The following ATXN7L1 variants were observed in gnomAD, a reference collection of about 807,000 sequenced individuals.
The protein encoded by ATXN7L1 is ataxin-7-like protein 1.
ATXN7L1 carries 15 observed loss-of-function variants against 70.8 expected under a neutral mutation model. That is an observed-to-expected ratio of 0.21 (90% CI 0.14 to 0.33). The LOEUF (loss-of-function observed/expected upper bound fraction) is 0.33, where lower values mean the gene tolerates loss of function less well. Among genes scored for constraint, ATXN7L1 ranks in the 10% least tolerant of loss-of-function variants. ATXN7L1 has a pLI of 1.00. For missense variants in ATXN7L1, 975 were observed against 1,097.1 expected, an observed-to-expected ratio of 0.89 and a Z score of 1.57; for synonymous variants, 440 against 445.1, an observed-to-expected ratio of 0.99 and a Z score of 0.14.
chr7:105,789,283 T>A (rs1056174642), intron 2 of ATXN7L1, among the ~76,000 whole-genome samples: 3 of 152,176 alleles, frequency 2.0e-5, no homozygotes, highest in African/African-American at 7.2e-5. Context: ...ACTGAGTGCC[T>A]GAATGTGCCA....
intron 3 of ATXN7L1, among the ~76,000 whole-genome samples, chr7:105,665,996 G>C (rs889939479): frequency 2.0e-5 from 3 of 152,258 alleles, no homozygotes; most frequent in Non-Finnish European, 4.4e-5. Flanking sequence ...GCTCTGGGCA[G>C]AGATGCCTCA....
Position 105,876,459 on chromosome 7 carries a change from G to A in ATXN7L1, c.100C>T (p.Arg34Cys). 6.2e-7 allele frequency: 1 copy of A among 1,613,918 alleles called. No homozygotes were observed. The change falls in exon 1 of 12, where the codon CGC (arginine) becomes TGC (cysteine). Residue 34 changes from arginine to cysteine, a missense_variant. Physicochemically the swap from Arg to Cys is radical, Grantham distance 180. Coordinates refer to ENST00000419735, the MANE Select transcript of ATXN7L1 (RefSeq NM_020725.2). ...AACGCCTCCGGACTGGGCACTTTGCGATCCAGTGTCGCCATTGCTCTTCCT... is the reference window on the plus strand; with the variant it reads ...AACGCCTCCGGACTGGGCACTTTGCAATCCAGTGTCGCCATTGCTCTTCCT... The part of the protein sequence containing the change: ...QEGRAMATLD[R>C]KVPSPEAFLG...
intron 2 of ATXN7L1, among the ~76,000 whole-genome samples, chr7:105,864,210 CT>C: frequency 6.6e-6 from 1 of 151,970 alleles, no homozygotes. Context: ...AATCCCAGAA[CT>C]TTGAGAGGCC....
At chr7:105,815,868 C>CCACTCACAAACAGGAT (rs1809113091) in intron 2 of ATXN7L1, among the ~76,000 whole-genome samples, 1 of 152,066 alleles carries the variant, frequency 6.6e-6, no homozygotes. Flanking sequence ...TGCTTGTGAG[C>CCACTCACAAACAGGAT]GTTTGGCAGA....
chr7:105,740,180 A>G (rs552576935), intron 3 of ATXN7L1, among the ~76,000 whole-genome samples: 1 of 152,352 alleles, frequency 6.6e-6, no homozygotes, highest in Non-Finnish European at 1.5e-5. Context: ...AGTCAGGGCC[A>G]GAAAGCCAGA....
intron 2 of ATXN7L1, among the ~76,000 whole-genome samples, chr7:105,871,214 T>C (rs7777514): frequency 0.34 from 52,011 of 151,584 alleles, 10,248 homozygotes; most frequent in African/African-American, 0.52. Context: ...GACATTCAGT[T>C]CCACCCCCCT....
intron 2 of ATXN7L1, among the ~76,000 whole-genome samples, chr7:105,824,369 G>A (rs114788960): frequency 6.6e-6 from 1 of 152,098 alleles, no homozygotes. Context: ...ACCTGAAAGA[G>A]ACTGAGACAC....
intron 2 of ATXN7L1, among the ~76,000 whole-genome samples, chr7:105,871,509 C>T (rs553969825): frequency 6.6e-6 from 1 of 152,222 alleles, no homozygotes; most frequent in South Asian, 2.1e-4. Flanking sequence ...GTCTGGAGTT[C>T]GAGACCAGCC....
intron 3 of ATXN7L1, among the ~76,000 whole-genome samples, chr7:105,686,284 G>C (rs1188984250): frequency 6.6e-6 from 1 of 152,220 alleles, no homozygotes; most frequent in Non-Finnish European, 1.5e-5. Context: ...GGGAAGCTGA[G>C]GCGGGTGGAT....
intron 3 of ATXN7L1, among the ~76,000 whole-genome samples, chr7:105,749,000 T>C (rs993903516): frequency 6.6e-6 from 1 of 152,176 alleles, no homozygotes; most frequent in African/African-American, 2.4e-5. Flanking sequence ...TTCTAAATTA[T>C]CTGCATGAGG....
chr7:105,779,200 C>T (rs1457050783), intron 3 of ATXN7L1, among the ~76,000 whole-genome samples: 1 of 152,220 alleles, frequency 6.6e-6, no homozygotes, highest in Non-Finnish European at 1.5e-5. Flanking sequence ...TTTCTTAAGT[C>T]CTCCGGGTCT....
chr7:105,755,988 G>T (rs1168103967), intron 3 of ATXN7L1, among the ~76,000 whole-genome samples: 1 of 152,122 alleles, frequency 6.6e-6, no homozygotes, highest in Non-Finnish European at 1.5e-5. Flanking sequence ...CAGACTCCTG[G>T]CTCCACAGTC....
At chr7:105,835,138 A>G (rs1033793109) in intron 2 of ATXN7L1, among the ~76,000 whole-genome samples, 1 of 114,216 alleles carries the variant, frequency 8.8e-6, no homozygotes, top group Non-Finnish European at 1.8e-5. Context: ...TTAATAATTT[A>G]TAAGTGTGTG....
intron 7 of ATXN7L1, among the ~76,000 whole-genome samples, chr7:105,637,006 C>T (rs1049101755): frequency 1.3e-5 from 2 of 152,150 alleles, no homozygotes; most frequent in Admixed American, 1.3e-4. Flanking sequence ...GGGTAATATC[C>T]CTAACCAACA....
At chr7:105,705,014 T>TTTGA (rs550515016) in intron 3 of ATXN7L1, among the ~76,000 whole-genome samples, 1 of 151,338 alleles carries the variant, frequency 6.6e-6, no homozygotes, top group Admixed American at 6.6e-5. Context: ...TTATTTTTTA[T>TTTGA]TTTATTTATT....
intron 4 of ATXN7L1, among the ~76,000 whole-genome samples, chr7:105,656,003 C>T (rs942371188): frequency 7.9e-5 from 12 of 152,264 alleles, no homozygotes; most frequent in African/African-American, 2.9e-4. Context: ...GCATTCAACA[C>T]ACACGTGTGG....
chr7:105,759,035 G>T (rs1800169301), intron 3 of ATXN7L1, among the ~76,000 whole-genome samples: 1 of 151,870 alleles, frequency 6.6e-6, no homozygotes, highest in Non-Finnish European at 1.5e-5. Flanking sequence ...CTTGCATGTT[G>T]CCTCCTTTCC....
chr7:105,786,915 A>G (rs1305121529), intron 3 of ATXN7L1, among the ~76,000 whole-genome samples: 1 of 152,230 alleles, frequency 6.6e-6, no homozygotes, highest in Admixed American at 6.5e-5. Flanking sequence ...AATCATATTC[A>G]GGATGATGTA....
intron 2 of ATXN7L1, among the ~76,000 whole-genome samples, chr7:105,814,215 C>T (rs555491312): frequency 8.5e-5 from 13 of 152,176 alleles, no homozygotes; most frequent in East Asian, 1.9e-4. Context: ...CAATTGTGAT[C>T]GCAATGCCAG....
Sources: gnomAD v4.1 joint callset for allele counts (sites outside exome capture counted in the v4.1 genomes callset) on GRCh38, gnomAD v4.1.1 for gene constraint, MANE v1.5 for transcripts, NCBI Gene and HGNC (gene_info 2026-07-23, HGNC 2026-07-21) for gene names.